The following NEXMIF variants were observed in gnomAD, a reference collection of about 807,000 sequenced individuals.
The protein encoded by NEXMIF is XLMR protein related to neurite extension.
NEXMIF carries 8 observed loss-of-function variants against 62.1 expected under a neutral mutation model. The ratio of observed to expected loss-of-function variants is 0.13; its 90% CI spans 0.08 to 0.23. The LOEUF (loss-of-function observed/expected upper bound fraction) is 0.23. NEXMIF is among the 10% of genes least tolerant of loss of function. The pLI is 1.00. For synonymous variants in NEXMIF, 404 were observed against 416.6 expected (o/e 0.97, Z 0.37); for missense variants, 976 against 1,113.3 (o/e 0.88, Z 1.75).
chrX:74,793,800 T>C (rs1455310338), intron 1 of NEXMIF, among the ~76,000 whole-genome samples: 3 of 81,864 alleles, frequency 3.7e-5, no homozygotes, highest in Non-Finnish European at 7.2e-5. Flanking sequence ...CTTCACGTAG[T>C]TCTCGAGCCT....
chrX:74,900,737 AG>A (rs2080747129), intron 1 of NEXMIF, among the ~76,000 whole-genome samples: 1 of 112,018 alleles, frequency 8.9e-6, no homozygotes, highest in African/African-American at 3.2e-5. Flanking sequence ...AATAGCCAAA[AG>A]GTGAAAGGAA....
intron 1 of NEXMIF, among the ~76,000 whole-genome samples, chrX:74,883,760 A>G (rs769679795): frequency 6.3e-5 from 7 of 111,891 alleles, no homozygotes; most frequent in East Asian, 2.8e-4. Context: ...AATCTAGCAA[A>G]GCAGGCCAAC....
intron 1 of NEXMIF, among the ~76,000 whole-genome samples, chrX:74,922,630 C>T (rs185924559): frequency 7.2e-5 from 8 of 111,738 alleles, no homozygotes; most frequent in African/African-American, 2.3e-4. Flanking sequence ...CTAATCTTCC[C>T]GGAGCCATTT....
rs2080119357 is a variant in NEXMIF, at chrX:74,744,454, T to C, written c.103A>G (p.Met35Val). 7 of 1,202,222 alleles carry C rather than the reference T, an allele frequency of 5.8e-6. No homozygotes were observed. The South Asian group carries it at 9.0e-5, about 15-fold the overall frequency. The part of the protein sequence containing the change: ...ENDSEDQDVA[M>V]KSFAALEAAA... Reference sequence around the variant, plus strand: ...GCTTCTAGAGCTGCAAATGACTTCATTGCCACATCCTGGTCCTCTGAGTCT... The same window carrying C: ...GCTTCTAGAGCTGCAAATGACTTCACTGCCACATCCTGGTCCTCTGAGTCT... Residue 35 changes from methionine to valine, a missense_variant, in exon 3 of 4, where the codon ATG (methionine) becomes GTG (valine). Physicochemically the swap from Met to Val is conservative, Grantham distance 21. This residue lies in a region of NEXMIF where 126 missense variants were observed against 146.5 expected (regional missense o/e 0.86). Transcript: ENST00000055682.
intron 1 of NEXMIF, among the ~76,000 whole-genome samples, chrX:74,757,549 A>G (rs895150408): frequency 8.9e-6 from 1 of 111,945 alleles, no homozygotes; most frequent in Admixed American, 9.5e-5. Flanking sequence ...GTCCTTCAAT[A>G]TTCTAACTTA....
At position 74,912,069 on chromosome X, in the gene NEXMIF, C is replaced by T. The variant is rs2080792274; in HGVS notation, c.-48+12814G>A. Among the ~76,000 whole-genome samples the T allele has an allele frequency of 3.6e-5, 4 of 111,626 alleles. No individual in the cohort carries two copies. In the South Asian group the frequency reaches 1.5e-3, roughly 43 times the overall value. Reference sequence around the variant, plus strand: ...CCCCACTAATCTAAGCAAAGAGAGACTTGAGAAGGCAACAGTTATTTCAGT... The same window carrying T: ...CCCCACTAATCTAAGCAAAGAGAGATTTGAGAAGGCAACAGTTATTTCAGT... On this transcript the variant is annotated intron_variant, in intron 1 of 3. Transcript: ENST00000055682.
intron 1 of NEXMIF, among the ~76,000 whole-genome samples, chrX:74,858,566 G>A (rs949285369): frequency 1.8e-5 from 2 of 110,987 alleles, no homozygotes; most frequent in African/African-American, 3.3e-5. Flanking sequence ...ACAAATAAAC[G>A]CAGACTACGA....
intron 1 of NEXMIF, among the ~76,000 whole-genome samples, chrX:74,885,180 C>T (rs943931305): frequency 9.1e-6 from 1 of 110,449 alleles, no homozygotes; most frequent in Non-Finnish European, 1.9e-5. Context: ...ACTAAATGCC[C>T]ACAAGAGAAA....
At chrX:74,756,926 C>T (rs1409923244) in intron 1 of NEXMIF, among the ~76,000 whole-genome samples, 1 of 111,876 alleles carries the variant, frequency 8.9e-6, no homozygotes, top group Non-Finnish European at 1.9e-5. Context: ...CCAAATCTAG[C>T]AGCCAAATCC....
chrX:74,846,910 G>A (rs1487161260), intron 1 of NEXMIF, among the ~76,000 whole-genome samples: 1 of 111,816 alleles, frequency 8.9e-6, no homozygotes, highest in Admixed American at 9.5e-5. Flanking sequence ...CTGGGTGAAG[G>A]GGATGGAACT....
intron 1 of NEXMIF, among the ~76,000 whole-genome samples, chrX:74,909,184 G>C (rs2080779132): frequency 9.0e-6 from 1 of 111,519 alleles, no homozygotes. Context: ...GCACAGTTTG[G>C]AGGGCTCAGA....
At chrX:74,897,213 G>C (rs1454023323) in intron 1 of NEXMIF, among the ~76,000 whole-genome samples, 2 of 111,743 alleles carry the variant, frequency 1.8e-5, no homozygotes, top group Non-Finnish European at 3.8e-5. Flanking sequence ...AGAGTCAAGA[G>C]AACCCAGTCT....
intron 1 of NEXMIF, among the ~76,000 whole-genome samples, chrX:74,880,260 C>T (rs1351209282): frequency 1.8e-5 from 2 of 111,919 alleles, no homozygotes; most frequent in African/African-American, 3.3e-5. Flanking sequence ...GAGGGATGAG[C>T]AAAGGAGAGG....
intron 1 of NEXMIF, among the ~76,000 whole-genome samples, chrX:74,843,597 G>C (rs1452545353): frequency 1.8e-5 from 2 of 110,508 alleles, no homozygotes; most frequent in Non-Finnish European, 3.8e-5. Context: ...TGTATTTTTA[G>C]TAGAGACAGG....
chrX:74,759,853 G>C (rs2080170793), intron 1 of NEXMIF, among the ~76,000 whole-genome samples: 1 of 111,762 alleles, frequency 8.9e-6, no homozygotes, highest in Admixed American at 9.5e-5. Context: ...TTTTGCTTAG[G>C]ATTGCCTGGG....
At chrX:74,884,266 T>C (rs895021991) in intron 1 of NEXMIF, among the ~76,000 whole-genome samples, 1 of 111,667 alleles carries the variant, frequency 9.0e-6, no homozygotes, top group African/African-American at 3.3e-5. Context: ...GCTAACATCA[T>C]AGTGACAGGA....
chrX:74,820,138 G>A (rs1382080424), intron 1 of NEXMIF, among the ~76,000 whole-genome samples: 2 of 110,255 alleles, frequency 1.8e-5, no homozygotes, highest in African/African-American at 6.6e-5. Context: ...AATGGACAAT[G>A]AGATCACTTG....
chrX:74,777,513 C>T (rs2080232127), intron 1 of NEXMIF, among the ~76,000 whole-genome samples: 1 of 111,640 alleles, frequency 9.0e-6, no homozygotes, highest in Non-Finnish European at 1.9e-5. Context: ...AATTTCCCTA[C>T]TGTACTATCG....
chrX:74,817,876 A>G (rs1366576983), intron 1 of NEXMIF, among the ~76,000 whole-genome samples: 2 of 111,313 alleles, frequency 1.8e-5, no homozygotes, highest in African/African-American at 3.3e-5. Context: ...AATTAATAAA[A>G]TACTTAGGAA....
Sources: allele counts gnomAD v4.1 joint callset (sites outside exome capture counted in the v4.1 genomes callset), GRCh38; gene constraint gnomAD v4.1.1; regional missense constraint gnomAD v4.1.1; transcripts MANE v1.5; gene names NCBI Gene and HGNC (gene_info 2026-07-23, HGNC 2026-07-21).